Variants in ATCAY observed in about 807,000 individuals in gnomAD.
ATCAY encodes the protein ATCAY kinesin light chain interacting caytaxin.
Under a neutral mutation model 47.7 loss-of-function variants are expected in ATCAY, and 22 were observed. The ratio of observed to expected loss-of-function variants is 0.46; its 90% CI spans 0.33 to 0.66. The LOEUF is 0.66. Ranked by LOEUF, ATCAY falls within the 30% of genes least tolerant of loss-of-function variation. The pLI is 0.02. For synonymous variants in ATCAY, 216 were observed against 207.6 expected, an observed-to-expected ratio of 1.04 and a Z score of -0.35; for missense variants, 452 against 515.0, an observed-to-expected ratio of 0.88 and a Z score of 1.18.
At chr19:3,923,974 GGA>G (rs1211118874) in intron 12 of ATCAY, among the ~76,000 whole-genome samples, 17 of 141,312 alleles carry the variant, frequency 1.2e-4, no homozygotes, top group African/African-American at 3.6e-4. Flanking sequence ...GTGGGTGGAT[GGA>G]TGGATGGATG....
chr19:3,908,012 T>C, intron 5 of ATCAY, 93 bp downstream of exon 5: 2 of 1,459,382 alleles, frequency 1.4e-6, no homozygotes, highest in Non-Finnish European at 1.9e-6. Context: ...TGCACGGGGA[T>C]GTTAAGCCGT....
rs766387785 is a variant in ATCAY, at chr19:3,918,829, T to C, written c.1025T>C (p.Val342Ala). ...AGCGCGAGGCCCCAGCCGGAGTTTGTGCTGCCCAGGTCTGAAGAGAAGCCA... is the reference window on the plus strand; with the variant it reads ...AGCGCGAGGCCCCAGCCGGAGTTTGCGCTGCCCAGGTCTGAAGAGAAGCCA... ...RESARPQPEF[V>A]LPRSEEKPEV... The change falls in exon 11 of 13, where the codon GTG becomes GCG. Residue 342 changes from valine to alanine, a missense_variant. Physicochemically the swap from Val to Ala is moderately conservative, Grantham distance 64. Transcript: ENST00000450849. The C allele has an allele frequency of 5.0e-6, 8 of 1,613,886 alleles. No homozygotes were observed. Among genetic ancestry groups the C allele is most frequent in the Non-Finnish European group, 6.8e-6 (8 of 1,179,882 alleles).
chr19:3,901,938 G>A (rs139750242), intron 2 of ATCAY, among the ~76,000 whole-genome samples: 3,564 of 152,234 alleles, frequency 0.023, 75 homozygotes, highest in Non-Finnish European at 0.034. Flanking sequence ...GGAGGTTGCC[G>A]TGAGCCGAGA....
intron 1 of ATCAY, among the ~76,000 whole-genome samples, chr19:3,884,286 C>CTAAATAAATAAATAAATAAATAAA (rs113861636): frequency 5.3e-5 from 8 of 151,600 alleles, no homozygotes; most frequent in African/African-American, 1.5e-4. Flanking sequence ...GACCCCGTCT[C>CTAAATAAATAAATAAATAAATAAA]TAAATAAATA....
At chr19:3,911,879 T>C (rs2038925204) in intron 8 of ATCAY, among the ~76,000 whole-genome samples, 1 of 152,170 alleles carries the variant, frequency 6.6e-6, no homozygotes, top group Non-Finnish European at 1.5e-5. Context: ...GGAAGACTCT[T>C]TAAACATGCT....
chr19:3,895,548 G>A (rs548634159), intron 2 of ATCAY, among the ~76,000 whole-genome samples: 1 of 152,004 alleles, frequency 6.6e-6, no homozygotes, highest in African/African-American at 2.4e-5. Context: ...AGAGGCTCAG[G>A]GAGGAGAAGG....
chr19:3,914,291 C>T (rs528386178), intron 9 of ATCAY, among the ~76,000 whole-genome samples: 2 of 148,800 alleles, frequency 1.3e-5, no homozygotes, highest in East Asian at 3.9e-4. Flanking sequence ...GGCAACGCCT[C>T]CCAATCACGG....
chr19:3,893,288 C>A (rs1006050838), intron 2 of ATCAY, among the ~76,000 whole-genome samples: 2 of 151,880 alleles, frequency 1.3e-5, no homozygotes, highest in African/African-American at 2.4e-5. Flanking sequence ...ACTCTCCTGC[C>A]TCAGCCTCCC....
chr19:3,892,700 A>G (rs1030802362), intron 2 of ATCAY, among the ~76,000 whole-genome samples: 6 of 152,066 alleles, frequency 3.9e-5, no homozygotes, highest in Non-Finnish European at 8.8e-5. Flanking sequence ...TGAGGTCGGG[A>G]GTTCAAGACC....
Position 3,924,607 on chromosome 19 carries a change from AAC to A in ATCAY, c.*17_*18del, listed in dbSNP as rs1270081369. On this transcript the variant is annotated 3_prime_UTR_variant, in exon 13 of 13. Coordinates refer to ENST00000450849, the MANE Select transcript of ATCAY (RefSeq NM_033064.5). ...GCATGTCCTGAGGCGACGTGAGCAT[AAC>A]AAAGGACATGGAAGAAGATTCCAGA... 1 of 1,613,540 alleles carries A rather than the reference AAC, an allele frequency of 6.2e-7. No individual in the cohort carries two copies. The highest frequency in any genetic ancestry group is 8.5e-7 in the Non-Finnish European group (1 of 1,179,744).
At chr19:3,908,212 G>A in intron 5 of ATCAY, 56 bp from the exon 6 acceptor site, 1 of 1,455,372 alleles carries the variant, frequency 6.9e-7, no homozygotes, top group Non-Finnish European at 9.4e-7. Flanking sequence ...GTGCGCGGGA[G>A]GCAGCTCAGG....
intron 1 of ATCAY, among the ~76,000 whole-genome samples, chr19:3,882,530 T>G (rs1299912849): frequency 6.6e-6 from 1 of 150,878 alleles, no homozygotes; most frequent in African/African-American, 2.4e-5. Context: ...GGGGACTTGC[T>G]ATGTTGCCCA....
chr19:3,881,873 C>A (rs537199201), intron 1 of ATCAY, among the ~76,000 whole-genome samples: 12 of 146,294 alleles, frequency 8.2e-5, no homozygotes, highest in East Asian at 2.1e-4. Flanking sequence ...ACCGCCCCCC[C>A]CCCGACCCCA....
At chr19:3,912,592 A>T (rs2038932975) in intron 8 of ATCAY, among the ~76,000 whole-genome samples, 2 of 151,972 alleles carry the variant, frequency 1.3e-5, no homozygotes, top group South Asian at 2.1e-4. Flanking sequence ...ATTTTTTTTT[A>T]AATACGGCCA....
In ATCAY at chr19:3,913,867, C is replaced by G. The variant is rs529018596; in HGVS notation, c.965+11C>G. 9 of 1,595,200 alleles carry G rather than the reference C, an allele frequency of 5.6e-6. No individual in the cohort carries two copies. In the South Asian group the frequency reaches 1.0e-4, roughly 18 times the overall value. ...AGACTGCGTCCTGCAGTGAGTGGCC[C>G]CACAGTCCACCCCGCCGTATTAGTC... On this transcript the variant is annotated intron_variant, in intron 9 of 12. Transcript: ENST00000450849.
In ATCAY at chr19:3,907,569, G is replaced by T. The variant is rs1317774510; in HGVS notation, c.359-165G>T. On this transcript the variant is annotated intron_variant, in intron 4 of 12. Coordinates refer to ENST00000450849, the MANE Select transcript of ATCAY (RefSeq NM_033064.5). The surrounding 1 kb of genome is among the most constrained non-coding windows in gnomAD (Gnocchi z 5.1). The stretch of plus-strand genomic sequence containing the variant: ...GCATTTGAGCCAGGCCTTGAAAGGG[G>T]AGTAGGAGAGGAAAATGGGTCAGCA... Among the ~76,000 whole-genome samples, 1 of 152,240 alleles carries T rather than the reference G, an allele frequency of 6.6e-6. No homozygotes were observed. Among genetic ancestry groups the T allele is most frequent in the African/African-American group, 2.4e-5 (1 of 41,468 alleles).
intron 9 of ATCAY, among the ~76,000 whole-genome samples, chr19:3,914,359 G>T (rs1381710766): frequency 6.6e-6 from 1 of 151,874 alleles, no homozygotes; most frequent in Non-Finnish European, 1.5e-5. Context: ...ATTTGTACAG[G>T]CAAATTCCCC....
chr19:3,920,040 C>T (rs539324397), intron 11 of ATCAY, among the ~76,000 whole-genome samples: 44 of 152,154 alleles, frequency 2.9e-4, no homozygotes, highest in Non-Finnish European at 4.7e-4. Flanking sequence ...ACAGCCTCCA[C>T]GAACAGGTAG....
At chr19:3,906,433 G>C (rs951761835) in intron 4 of ATCAY, among the ~76,000 whole-genome samples, 5 of 151,464 alleles carry the variant, frequency 3.3e-5, no homozygotes, top group Middle Eastern at 3.4e-3. Context: ...CTCCCGAGTA[G>C]CTGGGATTAC....
Sources: gnomAD v4.1 joint callset for allele counts (sites outside exome capture counted in the v4.1 genomes callset) on GRCh38, gnomAD v4.1.1 for gene constraint, Gnocchi (gnomAD v3.1) non-coding constraint, MANE v1.5 for transcripts, NCBI Gene and HGNC (gene_info 2026-07-23, HGNC 2026-07-21) for gene names.